GNG2: variants seen among roughly 807,000 people sequenced by gnomAD.
The protein encoded by GNG2 is guanine nucleotide-binding protein G(I)/G(S)/G(O) subunit gamma-2.
In GNG2, 5 loss-of-function variants were observed where a neutral mutation model predicts 5.5. That is an observed-to-expected ratio of 0.91 (90% confidence interval 0.48 to 1.92). The LOEUF (loss-of-function observed/expected upper bound fraction) is 1.92. Ranked by LOEUF, GNG2 falls within the 30% of genes most tolerant of loss-of-function variation. The pLI, the probability that GNG2 is intolerant of heterozygous loss-of-function variation, is 0.01. For missense variants in GNG2, 55 were observed against 88.4 expected (o/e 0.62, Z 1.52); for synonymous variants, 28 against 32.0 (o/e 0.88, Z 0.42).
intron 3 of GNG2, among the ~76,000 whole-genome samples, chr14:51,954,072 A>G (rs1332828986): frequency 6.6e-6 from 1 of 152,172 alleles, no homozygotes; most frequent in East Asian, 1.9e-4. Context: ...CCCCCAGAAT[A>G]AATTATGCTG....
chr14:51,934,249 C>A (rs1305242161), intron 2 of GNG2, among the ~76,000 whole-genome samples: 3 of 152,192 alleles, frequency 2.0e-5, no homozygotes, highest in Non-Finnish European at 4.4e-5. Context: ...GTCAAAGAAT[C>A]ACTAGTGTCA....
intron 2 of GNG2, among the ~76,000 whole-genome samples, chr14:51,854,473 G>A (rs1405097506): frequency 6.6e-6 from 1 of 152,042 alleles, no homozygotes; most frequent in African/African-American, 2.4e-5. Context: ...GGTATCCACA[G>A]CAAGGCCTCC....
chr14:51,864,595 C>T (rs1248220586), intron 1 of GNG2, among the ~76,000 whole-genome samples: 2 of 152,168 alleles, frequency 1.3e-5, no homozygotes, highest in Non-Finnish European at 2.9e-5. Context: ...TTGGTGATGT[C>T]CAGAACCTGA....
intron 2 of GNG2, among the ~76,000 whole-genome samples, chr14:51,949,958 C>T (rs1157931936): frequency 6.6e-6 from 1 of 152,146 alleles, no homozygotes; most frequent in Admixed American, 6.6e-5. Context: ...GAACTCTACT[C>T]TCAAACCCTG....
intron 2 of GNG2, among the ~76,000 whole-genome samples, chr14:51,930,489 G>C (rs994695398): frequency 6.6e-6 from 1 of 152,170 alleles, no homozygotes; most frequent in African/African-American, 2.4e-5. Flanking sequence ...CGGCTTCCTG[G>C]TCATCATCTT....
intron 1 of GNG2, among the ~76,000 whole-genome samples, chr14:51,863,891 A>T (rs559028775): frequency 6.6e-6 from 1 of 152,322 alleles, no homozygotes; most frequent in Non-Finnish European, 1.5e-5. Flanking sequence ...ATTCCATTGA[A>T]TGTATAGACT....
intron 3 of GNG2, among the ~76,000 whole-genome samples, chr14:51,965,039 T>G (rs1167519591): frequency 6.6e-6 from 1 of 152,090 alleles, no homozygotes; most frequent in Non-Finnish European, 1.5e-5. Flanking sequence ...GACGAAGTGG[T>G]ATAGAGGAAG....
chr14:51,922,913 T>C (rs1887099521), intron 2 of GNG2, among the ~76,000 whole-genome samples: 1 of 152,176 alleles, frequency 6.6e-6, no homozygotes, highest in Non-Finnish European at 1.5e-5. Context: ...GGGAAAGCCT[T>C]GTGTATAATG....
intron 2 of GNG2, among the ~76,000 whole-genome samples, chr14:51,926,391 C>G (rs1450710115): frequency 2.0e-5 from 3 of 152,184 alleles, no homozygotes; most frequent in Non-Finnish European, 4.4e-5. Flanking sequence ...CAAAAGTAGA[C>G]TCGTGTGTAA....
upstream of GNG2, among the ~76,000 whole-genome samples, chr14:51,859,349 C>G (rs533788698): frequency 6.6e-6 from 1 of 152,102 alleles, no homozygotes; most frequent in African/African-American, 2.4e-5. Flanking sequence ...ATGACTCACA[C>G]GTTGAATAAA....
chr14:51,853,881 G>A (rs927892343), intron 2 of GNG2, among the ~76,000 whole-genome samples: 2 of 151,272 alleles, frequency 1.3e-5, no homozygotes, highest in Non-Finnish European at 2.9e-5. Context: ...TGTTGTCCCT[G>A]AATTTCTTTT....
chr14:51,947,830 A>T (rs11623590), intron 2 of GNG2, among the ~76,000 whole-genome samples: 52,844 of 152,094 alleles, frequency 0.35, 9,712 homozygotes, highest in Middle Eastern at 0.42. Context: ...GAATGACAAT[A>T]ATGGGTCATT....
chr14:51,874,435 A>AC (rs1345708227), intron 1 of GNG2, among the ~76,000 whole-genome samples: 4 of 151,652 alleles, frequency 2.6e-5, no homozygotes, highest in African/African-American at 9.7e-5. Flanking sequence ...AAAAAAAAAA[A>AC]AAAAAAACAG....
intron 2 of GNG2, among the ~76,000 whole-genome samples, chr14:51,936,135 GC>G (rs1333513195): frequency 6.6e-6 from 1 of 152,144 alleles, no homozygotes; most frequent in Non-Finnish European, 1.5e-5. Flanking sequence ...TGGGCTCCAT[GC>G]TTTGGGAGGA....
At chr14:51,889,379 A>G (rs533880689) in intron 2 of GNG2, among the ~76,000 whole-genome samples, 1 of 152,036 alleles carries the variant, frequency 6.6e-6, no homozygotes, top group South Asian at 2.1e-4. Flanking sequence ...TCACAAAGTG[A>G]GCCACCATGC....
intron 2 of GNG2, among the ~76,000 whole-genome samples, chr14:51,881,300 T>C (rs1884051033): frequency 1.3e-5 from 2 of 152,132 alleles, no homozygotes; most frequent in South Asian, 4.1e-4. Flanking sequence ...AAGAGGTAAA[T>C]ATTAGGAAGA....
At chr14:51,917,448 T>G (rs1440521647) in intron 2 of GNG2, 1 of 456,018 alleles carries the variant, frequency 2.2e-6, no homozygotes, top group Non-Finnish European at 4.4e-6. Context: ...AGACGTAGCA[T>G]CCTCCAGGGA....
At chr14:51,827,921 T>G in intron 2 of GNG2, 1 of 599,250 alleles carries the variant, frequency 1.7e-6, no homozygotes, top group South Asian at 2.0e-5. Context: ...AGTCTGAGAG[T>G]GGGAGGACTC....
intron 2 of GNG2, among the ~76,000 whole-genome samples, chr14:51,939,157 G>A (rs1008224149): frequency 4.6e-5 from 7 of 151,386 alleles, no homozygotes; most frequent in Non-Finnish European, 7.4e-5. Context: ...TCTTTTTTCC[G>A]TGGAGTGAAC....
Sources: gnomAD v4.1 joint callset for allele counts (sites outside exome capture counted in the v4.1 genomes callset) on GRCh38, gnomAD v4.1.1 for gene constraint, MANE v1.5 for transcripts, NCBI Gene and HGNC (gene_info 2026-07-23, HGNC 2026-07-21) for gene names.